Variants in ONECUT1 observed in about 807,000 individuals in gnomAD.
ONECUT1 encodes the protein one cut homeobox 1, also known as hepatocyte nuclear factor 6.
ONECUT1 carries 12 observed loss-of-function variants against 25.6 expected under a neutral mutation model. The observed-to-expected ratio is 0.47, with a 90% CI of 0.30 to 0.76. ONECUT1 has a LOEUF of 0.76. ONECUT1 is among the 30% of genes least tolerant of loss of function. The pLI is 0.07. For missense variants in ONECUT1, 620 were observed against 651.2 expected (o/e 0.95, Z 0.52); for synonymous variants, 285 against 270.2 (o/e 1.05, Z -0.54).
At chr15:52,778,479 T>C (rs1393637187) in intron 1 of ONECUT1, among the ~76,000 whole-genome samples, 1 of 152,202 alleles carries the variant, frequency 6.6e-6, no homozygotes, top group Non-Finnish European at 1.5e-5. Flanking sequence ...AGGTCCAGGT[T>C]GAGAAGATGA....
chr15:52,760,981 C>CAGGTGAGGTCCATTCTTG (rs79303729), intron 1 of ONECUT1, among the ~76,000 whole-genome samples: 111,078 of 148,868 alleles, frequency 0.75, 41,598 homozygotes, highest in East Asian at 1. Context: ...AGGTGGCTCT[C>CAGGTGAGGTCCATTCTTG]GAATTGCCCT....
Position 52,788,722 on chromosome 15 carries a change from G to T in ONECUT1, c.1105+58C>A. 1 of 1,540,760 alleles carries T rather than the reference G, an allele frequency of 6.5e-7. No homozygotes were observed. Among genetic ancestry groups the T allele is most frequent in the Non-Finnish European group, 8.8e-7 (1 of 1,141,034 alleles). On this transcript the variant is annotated intron_variant, in intron 1 of 1. Transcript: ENST00000305901. The surrounding 1 kb of genome is among the most constrained non-coding windows in gnomAD (Gnocchi z 4.3). The stretch of plus-strand genomic sequence containing the variant: ...CCTCTCTCCTACCCTTCCTCCTTTG[G>T]TCCCTTCGGCTTTCGTGTACCTTAT...
chr15:52,789,244 G>A lies in ONECUT1; in HGVS notation c.641C>T (p.Thr214Ile), dbSNP rs1305404403. The A allele has an allele frequency of 1.3e-6, 2 of 1,551,712 alleles. No homozygotes were observed. Among genetic ancestry groups the A allele is most frequent in the Middle Eastern group, 1.7e-4 (1 of 5,750 alleles). Reference sequence around the variant, plus strand: ...GTGGTGGGCTTCGAAGCCGTTGGGGGTGAGCATCTTGTCGGTGGGCATGGC... The same window carrying A: ...GTGGTGGGCTTCGAAGCCGTTGGGGATGAGCATCTTGTCGGTGGGCATGGC... ...GAAMPTDKML[T>I]PNGFEAHHPA... Residue 214 changes from threonine (T) to isoleucine (I), a missense_variant, in exon 1 of 2, where the codon ACC becomes ATC. By Grantham distance (89) the Thr-to-Ile change is moderately conservative. Transcript: ENST00000305901. This position sits in a 1 kb window ranked among gnomAD's most constrained non-coding sequence, Gnocchi z 4.1.
At position 52,777,523 on chromosome 15, in the gene ONECUT1, T is replaced by C. The variant is rs547252642; in HGVS notation, c.1105+11257A>G. Among the ~76,000 whole-genome samples the C allele has an allele frequency of 2.6e-5, 4 of 152,278 alleles. No individual in the cohort carries two copies. In the South Asian group the frequency reaches 8.3e-4, roughly 32 times the overall value. On this transcript the variant is annotated intron_variant, in intron 1 of 1. Transcript: ENST00000305901. ...GGAAAGAAACAAGCTTTTAGCTTCA[T>C]AGTAATTCTGATCTAAGAGCTCTTC...
At chr15:52,758,208 TAAG>T (rs2083685512) in intron 1 of ONECUT1, among the ~76,000 whole-genome samples, 1 of 152,190 alleles carries the variant, frequency 6.6e-6, no homozygotes, top group African/African-American at 2.4e-5. Context: ...AAAATGCATA[TAAG>T]AATACCTACC....
In ONECUT1 at chr15:52,790,066, C is replaced by A; in HGVS notation, c.-182G>T. ...GTGTGTGTGTCCGTGTGTGCGTGTG[C>A]GTGTGTGTGTGTGTGTGTGTCTCGC... On this transcript the variant is annotated 5_prime_UTR_variant, in exon 1 of 2. Transcript: ENST00000305901. 1 of 697,142 alleles carries A rather than the reference C, an allele frequency of 1.4e-6. No individual in the cohort carries two copies. The allele number at this position is 697,142 out of a possible 1,614,324, so 43.2% of individuals were successfully genotyped here.
chr15:52,762,968 C>T (rs372391528), intron 1 of ONECUT1, among the ~76,000 whole-genome samples: 35 of 151,532 alleles, frequency 2.3e-4, no homozygotes, highest in African/African-American at 8.2e-4. Context: ...CAGGAATGTG[C>T]AAGATAGACA....
At chr15:52,759,159 A>G (rs1232799749) in intron 1 of ONECUT1, among the ~76,000 whole-genome samples, 1 of 152,262 alleles carries the variant, frequency 6.6e-6, no homozygotes, top group East Asian at 1.9e-4. Flanking sequence ...AGGGATTGCC[A>G]TTCTTCCATA....
intron 1 of ONECUT1, among the ~76,000 whole-genome samples, chr15:52,780,139 C>T (rs1306016158): frequency 1.3e-5 from 2 of 152,186 alleles, no homozygotes; most frequent in African/African-American, 2.4e-5. Context: ...GGTTTAACAA[C>T]GTCTGCAGGC....
At chr15:52,779,816 C>G (rs1465944563) in intron 1 of ONECUT1, among the ~76,000 whole-genome samples, 1 of 152,146 alleles carries the variant, frequency 6.6e-6, no homozygotes, top group Admixed American at 6.5e-5. Context: ...TGGAAAAATG[C>G]CAAAAAGAGA....
rs1238812224 is a variant in ONECUT1, at chr15:52,755,812, G to T, written c.*1743C>A. Among the ~76,000 whole-genome samples, 3 of 152,100 alleles carry T rather than the reference G, an allele frequency of 2.0e-5. No homozygotes were observed. The East Asian group carries it at 5.8e-4, about 29-fold the overall frequency. On this transcript the variant is annotated 3_prime_UTR_variant, in exon 2 of 2. Coordinates refer to ENST00000305901, the MANE Select transcript of ONECUT1 (RefSeq NM_004498.4). Reference sequence around the variant, plus strand: ...GGGGCATCCACTTAGATAAGTTACAGTCCAACTGAATTCAGAGAGAATTTT... The same window carrying T: ...GGGGCATCCACTTAGATAAGTTACATTCCAACTGAATTCAGAGAGAATTTT...
At chr15:52,773,700 C>A (rs762621340) in intron 1 of ONECUT1, among the ~76,000 whole-genome samples, 42 of 151,820 alleles carry the variant, frequency 2.8e-4, no homozygotes, top group Non-Finnish European at 5.3e-4. Flanking sequence ...CTTATGATGC[C>A]AGAAAGTTAA....
rs2083679729 is a variant in ONECUT1, at chr15:52,757,471, C to T, written c.*84G>A. 7.2e-7 allele frequency: 1 copy of T among 1,379,760 alleles called. No individual in the cohort carries two copies. The highest frequency in any genetic ancestry group is 1.4e-5 in the South Asian group (1 of 70,264). 85.5% of individuals were successfully genotyped at this position (1,379,760 alleles called of 1,614,324 possible). On this transcript the variant is annotated 3_prime_UTR_variant, in exon 2 of 2. Transcript: ENST00000305901. ...TTCTTCAAATATTTCTAAGTATAAA[C>T]CTGCTATCTTGAGGTCCTGGTCTTT... is the stretch of plus-strand genomic sequence containing the variant.
At position 52,790,090 on chromosome 15, in the gene ONECUT1, G is replaced by C. The variant is rs1244189454; in HGVS notation, c.-206C>G. The stretch of plus-strand genomic sequence containing the variant: ...GCGTGTGTGTGTGTGTGTGTGTCTC[G>C]CCTTCCCTCTTACCCCCCACCTTCC... On this transcript the variant is annotated 5_prime_UTR_variant, in exon 1 of 2. Transcript: ENST00000305901. 1.5e-6 allele frequency: 1 copy of C among 651,808 alleles called. No homozygotes were observed. The highest frequency in any genetic ancestry group is 3.5e-5 in the East Asian group (1 of 28,756). The allele number at this position is 651,808 out of a possible 1,614,324, so 40.4% of individuals were successfully genotyped here. A position where few individuals can be genotyped will look rare whatever the true frequency, so the allele number is the denominator to read the frequency against.
rs1334588369 is a variant in ONECUT1 at position 52,789,073 on chromosome 15, G to A, written c.812C>T (p.Pro271Leu). 1.2e-6 allele frequency: 2 copies of A among 1,602,192 alleles called. No individual in the cohort carries two copies. Among genetic ancestry groups the A allele is most frequent in the Non-Finnish European group, 1.7e-6 (2 of 1,179,960 alleles). Reference protein sequence around the residue: ...HGQLLGTAREPNPSVTGAQVS... With the variant: ...HGQLLGTARELNPSVTGAQVS... Reference sequence around the variant, plus strand: ...CTGCGCGCCGGTCACCGAAGGGTTGGGCTCCCGGGCTGTGCCCAGGAGTTG... The same window carrying A: ...CTGCGCGCCGGTCACCGAAGGGTTGAGCTCCCGGGCTGTGCCCAGGAGTTG... Residue 271 changes from proline (P) to leucine (L), a missense_variant, in exon 1 of 2, where the codon CCC becomes CTC. Transcript: ENST00000305901. The surrounding 1 kb of genome is among the most constrained non-coding windows in gnomAD (Gnocchi z 4.1).
chr15:52,767,908 G>A (rs117004852), intron 1 of ONECUT1, among the ~76,000 whole-genome samples: 56 of 152,224 alleles, frequency 3.7e-4, no homozygotes, highest in Middle Eastern at 6.8e-3. Context: ...GGAACTGGAC[G>A]GTATTACGTT....
intron 1 of ONECUT1, among the ~76,000 whole-genome samples, chr15:52,776,179 T>C (rs190440095): frequency 2.0e-4 from 30 of 152,300 alleles, no homozygotes; most frequent in African/African-American, 6.5e-4. Context: ...GCAGAAACAA[T>C]CTAACTGATT....
intron 1 of ONECUT1, among the ~76,000 whole-genome samples, chr15:52,763,382 GA>G (rs546043526): frequency 8.1e-5 from 12 of 148,010 alleles, no homozygotes; most frequent in South Asian, 2.1e-4. Context: ...AGATTATGAA[GA>G]AAAAAAAAAC....
chr15:52,757,685 C>T lies in ONECUT1; in HGVS notation c.1268G>A (p.Gly423Glu). The change falls in exon 2 of 2, where the codon GGG (glycine) becomes GAG (glutamate). Residue 423 changes from glycine to glutamate, a missense_variant. Coordinates refer to ENST00000305901, the MANE Select transcript of ONECUT1 (RefSeq NM_004498.4). ...GTTGCTGACAGTGCTCAGCTCCAAC[C>T]CCAGCTGCTGGGAAATGGTGATTTG... is the stretch of plus-strand genomic sequence containing the variant. ...ELQITISQQL[G>E]LELSTVSNFF... is the part of the protein sequence containing the mutation. 1 of 1,614,110 alleles carries T rather than the reference C, an allele frequency of 6.2e-7. No homozygotes were observed. The highest frequency in any genetic ancestry group is 8.5e-7 in the Non-Finnish European group (1 of 1,180,018).
Sources: gnomAD v4.1 joint callset for allele counts (sites outside exome capture counted in the v4.1 genomes callset) on GRCh38, gnomAD v4.1.1 for gene constraint, Gnocchi (gnomAD v3.1) non-coding constraint, MANE v1.5 for transcripts, NCBI Gene and HGNC (gene_info 2026-07-23, HGNC 2026-07-21) for gene names.